CNTNAP2: variants seen among roughly 807,000 people sequenced by gnomAD.
CNTNAP2 encodes contactin-associated protein-like 2.
In CNTNAP2, 98 loss-of-function variants were observed where a neutral mutation model predicts 155.2. That is an observed-to-expected ratio of 0.63 (90% CI 0.54 to 0.75). The LOEUF is 0.75. Among genes scored for constraint, CNTNAP2 ranks in the 30% least tolerant of loss-of-function variants. The pLI is 0.00. For missense variants in CNTNAP2, 1,727 were observed against 1,688.1 expected, an observed-to-expected ratio of 1.02 and a Z score of -0.40; for synonymous variants, 651 against 631.2, an observed-to-expected ratio of 1.03 and a Z score of -0.47.
At chr7:146,507,976 AATTCC>A (rs1194956278) in intron 1 of CNTNAP2, among the ~76,000 whole-genome samples, 2 of 152,168 alleles carry the variant, frequency 1.3e-5, no homozygotes, top group African/African-American at 4.8e-5. Context: ...GTACTGTCCC[AATTCC>A]ATCATCAAGT....
chr7:146,974,614 A>G (rs1404997831), intron 3 of CNTNAP2, among the ~76,000 whole-genome samples: 1 of 152,174 alleles, frequency 6.6e-6, no homozygotes, highest in Non-Finnish European at 1.5e-5. Context: ...GAAATTAGTA[A>G]TCTTATTTAA....
intron 10 of CNTNAP2, among the ~76,000 whole-genome samples, chr7:147,430,622 C>T (rs1264862784): frequency 6.6e-6 from 1 of 152,054 alleles, no homozygotes; most frequent in Non-Finnish European, 1.5e-5. Context: ...GTGAGCATGC[C>T]CTGAAGGAGA....
At chr7:147,154,000 C>T (rs948706242) in intron 8 of CNTNAP2, among the ~76,000 whole-genome samples, 2 of 151,924 alleles carry the variant, frequency 1.3e-5, no homozygotes, top group Admixed American at 1.3e-4. Context: ...AAGGATTGCT[C>T]TTTCAAGAAA....
At chr7:148,384,249 T>C (rs1015321994) in intron 22 of CNTNAP2, among the ~76,000 whole-genome samples, 2 of 152,170 alleles carry the variant, frequency 1.3e-5, no homozygotes, top group Admixed American at 6.5e-5. Flanking sequence ...TAATCTGTGT[T>C]TTAATTTAAG....
chr7:147,607,853 G>A (rs1158328737), intron 12 of CNTNAP2, among the ~76,000 whole-genome samples: 2 of 152,126 alleles, frequency 1.3e-5, no homozygotes, highest in Admixed American at 6.5e-5. Flanking sequence ...ATTTTACAAA[G>A]TTAAACACTA....
chr7:148,204,787 G>C (rs12704000), intron 18 of CNTNAP2, among the ~76,000 whole-genome samples: 1 of 152,192 alleles, frequency 6.6e-6, no homozygotes, highest in African/African-American at 2.4e-5. Flanking sequence ...TCGTCGCCTA[G>C]ACAGAGGGAG....
intron 2 of CNTNAP2, among the ~76,000 whole-genome samples, chr7:146,815,756 T>C (rs1803155263): frequency 7.0e-6 from 1 of 142,096 alleles, no homozygotes; most frequent in South Asian, 2.3e-4. Flanking sequence ...GTAAAGGATA[T>C]AGAGCACTTT....
chr7:146,588,408 A>G (rs1053278933), intron 1 of CNTNAP2, among the ~76,000 whole-genome samples: 2 of 152,142 alleles, frequency 1.3e-5, no homozygotes, highest in African/African-American at 4.8e-5. Context: ...CTGAGATACA[A>G]CTTTTTAAAA....
At chr7:147,589,308 G>T (rs977673416) in intron 12 of CNTNAP2, among the ~76,000 whole-genome samples, 1 of 152,100 alleles carries the variant, frequency 6.6e-6, no homozygotes, top group African/African-American at 2.4e-5. Flanking sequence ...CACAAAGTTC[G>T]ACTGATTATA....
At chr7:147,356,017 A>G (rs897215146) in intron 9 of CNTNAP2, among the ~76,000 whole-genome samples, 2 of 152,176 alleles carry the variant, frequency 1.3e-5, no homozygotes, top group African/African-American at 2.4e-5. Flanking sequence ...CCTGAGGAAC[A>G]TTGATGCAAA....
At chr7:146,992,642 A>G (rs879488488) in intron 3 of CNTNAP2, among the ~76,000 whole-genome samples, 1 of 152,072 alleles carries the variant, frequency 6.6e-6, no homozygotes, top group Admixed American at 6.5e-5. Flanking sequence ...GGCCAATTAG[A>G]GTTTCTCTGG....
chr7:148,172,377 A>G lies in CNTNAP2; in HGVS notation c.2909A>G (p.Tyr970Cys), dbSNP rs1486245500. ...GGATGCTCGGGCCATTGCACCAGCT[A>G]TGGAACAAACTGTGAAAATGGAGGC... The part of the protein sequence containing the change: ...ISGCSGHCTS[Y>C]GTNCENGGKC... The change falls in exon 18 of 24, where the codon TAT becomes TGT. Residue 970 changes from tyrosine (Y) to cysteine (C), a missense_variant. Physicochemically the swap from Tyr to Cys is radical, Grantham distance 194 (BLOSUM62 -2). Coordinates refer to ENST00000361727, the MANE Select transcript of CNTNAP2 (RefSeq NM_014141.6). The G allele has an allele frequency of 1.2e-6, 2 of 1,614,020 alleles. No individual in the cohort carries two copies. Among genetic ancestry groups the G allele is most frequent in the Non-Finnish European group, 1.7e-6 (2 of 1,180,034 alleles).
At chr7:148,148,903 T>G (rs1805245745) in intron 17 of CNTNAP2, among the ~76,000 whole-genome samples, 1 of 152,208 alleles carries the variant, frequency 6.6e-6, no homozygotes. Flanking sequence ...TAATTACAAC[T>G]GGAAATCAGC....
intron 1 of CNTNAP2, among the ~76,000 whole-genome samples, chr7:146,669,921 T>C (rs1800271252): frequency 6.6e-6 from 1 of 152,216 alleles, no homozygotes; most frequent in African/African-American, 2.4e-5. Flanking sequence ...ACACAGCTTT[T>C]TAGTAGCTAT....
intron 21 of CNTNAP2, among the ~76,000 whole-genome samples, chr7:148,312,188 A>G (rs2116519311): frequency 6.6e-6 from 1 of 152,296 alleles, no homozygotes; most frequent in African/African-American, 2.4e-5. Context: ...GTTTGGACAG[A>G]AAGGCTACAG....
chr7:146,356,363 A>G (rs2129099848), intron 1 of CNTNAP2, among the ~76,000 whole-genome samples: 1 of 152,152 alleles, frequency 6.6e-6, no homozygotes, highest in African/African-American at 2.4e-5. Context: ...GTACTTCCCC[A>G]TTTCATATCC....
In CNTNAP2 at chr7:147,445,935, G is replaced by T. The variant is rs572589443; in HGVS notation, c.1671-40000G>T. On this transcript the variant is annotated intron_variant, in intron 10 of 23. Transcript: ENST00000361727. ...TCAGCCTCCTCATTAATTTTAAGAT[G>T]ATTCTACTATGGAGAAAATTTAAAG... is the stretch of plus-strand genomic sequence containing the variant. Among the ~76,000 whole-genome samples the T allele has an allele frequency of 1.1e-3, 172 of 151,972 alleles. 4 individuals carry two copies. The South Asian group carries it at 0.034, about 30-fold the overall frequency.
chr7:147,069,712 C>G (rs1318304609), intron 4 of CNTNAP2, among the ~76,000 whole-genome samples: 1 of 152,150 alleles, frequency 6.6e-6, no homozygotes, highest in Non-Finnish European at 1.5e-5. Context: ...AGCTGCTAAT[C>G]TCAAAGTTGC....
chr7:147,934,825 A>G (rs1002667163), intron 14 of CNTNAP2, among the ~76,000 whole-genome samples: 1 of 152,166 alleles, frequency 6.6e-6, no homozygotes, highest in African/African-American at 2.4e-5. Flanking sequence ...TTTACATCCT[A>G]TTCACAATAT....
Sources: allele counts gnomAD v4.1 joint callset (sites outside exome capture counted in the v4.1 genomes callset), GRCh38; gene constraint gnomAD v4.1.1; transcripts MANE v1.5; gene names NCBI Gene and HGNC (gene_info 2026-07-23, HGNC 2026-07-21).